IARS1: variants seen among roughly 807,000 people sequenced by gnomAD.
IARS1 encodes the protein isoleucine--tRNA ligase, cytoplasmic.
IARS1 carries 124 observed loss-of-function variants against 168.2 expected under a neutral mutation model. The observed-to-expected ratio is 0.74, with a 90% CI of 0.64 to 0.86. The LOEUF (loss-of-function observed/expected upper bound fraction) is 0.86. Ranked by LOEUF, IARS1 falls within the 40% of genes least tolerant of loss-of-function variation. The probability of loss-of-function intolerance (pLI) is 0.00; values close to 1 mark genes in which losing one functional copy is unlikely to be tolerated. For missense variants in IARS1, 1,452 were observed against 1,515.8 expected (o/e 0.96, Z 0.70); for synonymous variants, 532 against 529.4 (o/e 1.00, Z -0.07).
intron 7 of IARS1, among the ~76,000 whole-genome samples, chr9:92,279,043 T>G (rs1419040925): frequency 6.6e-6 from 1 of 152,202 alleles, no homozygotes; most frequent in Admixed American, 6.5e-5. Context: ...AGTTAAAACT[T>G]TGATACTGAA....
chr9:92,260,286 T>A, intron 17 of IARS1, 52 bp from the exon 18 acceptor site: 1 of 1,130,910 alleles, frequency 8.8e-7, no homozygotes, highest in Non-Finnish European at 1.4e-6. Flanking sequence ...TCACAGATGA[T>A]CTTGTTTTAA....
chr9:92,261,166 G>A (rs1831470496), intron 17 of IARS1, among the ~76,000 whole-genome samples: 3 of 152,074 alleles, frequency 2.0e-5, no homozygotes, highest in South Asian at 4.1e-4. Flanking sequence ...AATATTAGCT[G>A]GGTGTGGTGG....
Position 92,220,609 on chromosome 9 carries a change from A to T in IARS1, c.3706+1911T>A, listed in dbSNP as rs12001812. 8.7e-3 allele frequency among the ~76,000 whole-genome samples: 1,321 copies of T among 151,250 alleles called. 31 individuals are homozygous for T. Among genetic ancestry groups the T allele is most frequent in the African/African-American group, 0.029 (1,220 of 41,366 alleles). ...ACTCCAGCCTGGGCAACAAGAGTGA[A>T]ACTCTGTCTCAAAACAAACAAACAA... On this transcript the variant is annotated intron_variant, in intron 33 of 33. Coordinates refer to ENST00000443024, the MANE Select transcript of IARS1 (RefSeq NM_002161.6).
chr9:92,258,825 G>A (rs753881670), intron 19 of IARS1, 29 bp downstream of exon 19: 5 of 1,567,910 alleles, frequency 3.2e-6, no homozygotes, highest in South Asian at 2.4e-5. Context: ...GACACGGCAG[G>A]TACATGTGCA....
At position 92,251,018 on chromosome 9, in the gene IARS1, G is replaced by A. The variant is rs1318994862; in HGVS notation, c.2308-184C>T. The stretch of plus-strand genomic sequence containing the variant: ...CTCATATCCCTGAAGCATAGCTGCA[G>A]GACTGTAGATAGAAAAACCCAAAGC... On this transcript the variant is annotated intron_variant, in intron 22 of 33. Coordinates refer to ENST00000443024, the MANE Select transcript of IARS1 (RefSeq NM_002161.6). 2.1e-5 allele frequency: 14 copies of A among 660,888 alleles called. No homozygotes were observed. The Admixed American group carries it at 3.0e-4, about 14-fold the overall frequency. The allele number at this position is 660,888 out of a possible 1,614,324, so 40.9% of individuals were successfully genotyped here. A position where few individuals can be genotyped will look rare whatever the true frequency, so the allele number is the denominator to read the frequency against.
At chr9:92,293,510 G>C (rs1317969584) in intron 1 of IARS1, 101 bp downstream of exon 1, 6 of 522,126 alleles carry the variant, frequency 1.1e-5, no homozygotes, top group Non-Finnish European at 2.3e-5. Context: ...GAAGAAACAC[G>C]CTCTTTTAAA....
At chr9:92,224,911 C>G (rs536806226) in intron 31 of IARS1, among the ~76,000 whole-genome samples, 21 of 152,200 alleles carry the variant, frequency 1.4e-4, no homozygotes, top group Non-Finnish European at 1.8e-4. Context: ...CTGCCCTTGC[C>G]CAATGGATTG....
At chr9:92,240,626 T>C (rs779684599) in intron 30 of IARS1, 1 of 712,360 alleles carries the variant, frequency 1.4e-6, no homozygotes, top group South Asian at 1.5e-5. Context: ...ACTCTTGGCC[T>C]CAAGCAATCC....
At chr9:92,291,371 T>A (rs901239851) in intron 1 of IARS1, among the ~76,000 whole-genome samples, 2 of 152,204 alleles carry the variant, frequency 1.3e-5, no homozygotes, top group Non-Finnish European at 2.9e-5. Context: ...ATCAAAAGCA[T>A]CATAGTCTAA....
At chr9:92,252,938 A>C (rs1188874657) in intron 21 of IARS1, among the ~76,000 whole-genome samples, 1 of 152,052 alleles carries the variant, frequency 6.6e-6, no homozygotes, top group Non-Finnish European at 1.5e-5. Context: ...CTAAACCCCC[A>C]ACAGCTACAG....
At chr9:92,270,950 G>C in intron 12 of IARS1, 35 bp downstream of exon 12, 1 of 1,414,048 alleles carries the variant, frequency 7.1e-7, no homozygotes, top group Non-Finnish European at 9.9e-7. Context: ...CAGACTGGAA[G>C]CTCTAGCTAC....
At chr9:92,278,955 G>A (rs1834136972) in intron 7 of IARS1, among the ~76,000 whole-genome samples, 1 of 152,128 alleles carries the variant, frequency 6.6e-6, no homozygotes, top group Non-Finnish European at 1.5e-5. Context: ...TGATGCATCT[G>A]TGTACCCTTA....
intron 10 of IARS1, among the ~76,000 whole-genome samples, chr9:92,273,046 C>A (rs1833304236): frequency 6.6e-6 from 1 of 150,794 alleles, no homozygotes; most frequent in African/African-American, 2.4e-5. Flanking sequence ...GCAGGAGAAT[C>A]GCTTGAACCC....
At chr9:92,285,956 C>T (rs1234882482) in intron 5 of IARS1, 117 bp from the exon 6 acceptor site, 2 of 636,592 alleles carry the variant, frequency 3.1e-6, no homozygotes, top group East Asian at 2.6e-5. Context: ...AAAACAATGT[C>T]TTTCATTGGG....
At chr9:92,251,591 CTG>C (rs1360061655) in intron 22 of IARS1, among the ~76,000 whole-genome samples, 1 of 152,182 alleles carries the variant, frequency 6.6e-6, no homozygotes, top group Non-Finnish European at 1.5e-5. Flanking sequence ...CTGCCAGAGA[CTG>C]TAAGAAAGAA....
At chr9:92,237,790 A>G (rs1827753037) in intron 30 of IARS1, among the ~76,000 whole-genome samples, 1 of 152,194 alleles carries the variant, frequency 6.6e-6, no homozygotes, top group Admixed American at 6.5e-5. Flanking sequence ...ATGTTTGCAT[A>G]GTATATATTT....
Position 92,247,838 on chromosome 9 carries a change from T to C in IARS1, c.2617-287A>G, listed in dbSNP as rs113821781. 6.4e-3 allele frequency among the ~76,000 whole-genome samples: 981 copies of C among 152,318 alleles called. 9 individuals are homozygous for C. Among genetic ancestry groups the C allele is most frequent in the African/African-American group, 0.022 (913 of 41,568 alleles). On this transcript the variant is annotated intron_variant, in intron 25 of 33. Transcript: ENST00000443024. ...ATTACAAATTGTATGATTCCACTTA[T>C]ATGAAATGTCCAGAGAAGGCAAATC...
Position 92,249,942 on chromosome 9 carries a change from C to CAT in IARS1, c.2533-2_2533-1insAT, listed in dbSNP as rs1439880250. On this transcript the variant is annotated splice_acceptor_variant, in intron 24 of 33. Coordinates refer to ENST00000443024, the MANE Select transcript of IARS1 (RefSeq NM_002161.6). LOFTEE classifies it high-confidence loss of function. ...TAACCACAATTTCTTTCAAAGGATA[C>CAT]TAGGAGGAAAAGGGAGGGGAAAGTT... 1 of 1,580,720 alleles carries CAT rather than the reference C, an allele frequency of 6.3e-7. No homozygotes were observed.
In IARS1 at chr9:92,259,017, T is replaced by C. The variant is rs750340965; in HGVS notation, c.1872-19A>G. 1.9e-6 allele frequency: 3 copies of C among 1,582,416 alleles called. No individual in the cohort carries two copies. The Admixed American group carries it at 5.7e-5, about 30-fold the overall frequency. On this transcript the variant is annotated intron_variant, in intron 18 of 33. Transcript: ENST00000443024. ...ATATAATCTGGAAGAGGGAGAAAAA[T>C]TAGACAGAAAAGGTACTTAGACAGT...
Sources: gnomAD v4.1 joint callset for allele counts (sites outside exome capture counted in the v4.1 genomes callset) on GRCh38, gnomAD v4.1.1 for gene constraint, MANE v1.5 for transcripts, NCBI Gene and HGNC (gene_info 2026-07-23, HGNC 2026-07-21) for gene names.